The following ELAC2 variants were observed in gnomAD, a reference collection of about 807,000 sequenced individuals.
The protein encoded by ELAC2 is elaC ribonuclease Z 2, also known as zinc phosphodiesterase ELAC protein 2.
ELAC2 carries 92 observed loss-of-function variants against 105.2 expected under a neutral mutation model. That is an observed-to-expected ratio of 0.87 (90% CI 0.74 to 1.04). ELAC2 has a LOEUF of 1.04. Ranked by LOEUF, ELAC2 falls within the 50% of genes least tolerant of loss-of-function variation. The probability of loss-of-function intolerance (pLI) is 0.00; values close to 1 mark genes in which losing one functional copy is unlikely to be tolerated. For synonymous variants in ELAC2, 468 were observed against 409.1 expected, an observed-to-expected ratio of 1.14 and a Z score of -1.74; for missense variants, 1,099 against 1,071.7, an observed-to-expected ratio of 1.03 and a Z score of -0.36.
In ELAC2 at chr17:12,994,782, C is replaced by T. The variant is rs754567726; in HGVS notation, c.2011G>A (p.Glu671Lys). 1.5e-5 allele frequency: 24 copies of T among 1,613,848 alleles called. No homozygotes were observed. The highest frequency in any genetic ancestry group is 8.9e-5 in the East Asian group (4 of 44,882). The stretch of plus-strand genomic sequence containing the variant: ...TACTCACCCATCCGGACCAGAGCCT[C>T]GCAGGGCATGGTGTCCCCGGAATAG... ...VVYSGDTMPCEALVRMGKDAT... is the reference protein window; with the variant it reads ...VVYSGDTMPCKALVRMGKDAT... Residue 671 changes from glutamate to lysine, a missense_variant, in exon 21 of 24, where the codon GAG becomes AAG. By Grantham distance (56) the Glu-to-Lys change is moderately conservative (BLOSUM62 1). Coordinates refer to ENST00000338034, the MANE Select transcript of ELAC2 (RefSeq NM_018127.7).
In ELAC2 at chr17:13,002,450, G is replaced by GA; in HGVS notation, c.1208dup (p.Arg404ProfsTer3). ...CGGTCTGAGACACTACCTTACAGCG[G>GA]AAACTGGTGAGCAGGGGGAAGATGT... On this transcript the variant is annotated frameshift_variant, in exon 13 of 24. Transcript: ENST00000338034. LOFTEE classifies it high-confidence loss of function. 1 of 1,612,704 alleles carries GA rather than the reference G, an allele frequency of 6.2e-7. No individual in the cohort carries two copies. Among genetic ancestry groups the GA allele is most frequent in the Non-Finnish European group, 8.5e-7 (1 of 1,179,316 alleles).
chr17:13,007,556 G>A (rs1419609190), intron 8 of ELAC2, among the ~76,000 whole-genome samples: 3 of 152,194 alleles, frequency 2.0e-5, no homozygotes, highest in Non-Finnish European at 4.4e-5. Flanking sequence ...CGGGTTTGAG[G>A]ATGGCAACTA....
intron 22 of ELAC2, 90 bp downstream of exon 22, chr17:12,994,335 A>C (rs1270380553): frequency 3.5e-6 from 5 of 1,432,200 alleles, no homozygotes; most frequent in African/African-American, 2.8e-5. Flanking sequence ...GGGCAGCCCC[A>C]CATCAGTGGA....
At chr17:13,008,301 A>G (rs112004153) in intron 8 of ELAC2, among the ~76,000 whole-genome samples, 3,692 of 151,864 alleles carry the variant, frequency 0.024, 77 homozygotes, top group Middle Eastern at 0.058. Flanking sequence ...CAGGAAATCA[A>G]GAGATCCAGA....
At position 13,011,517 on chromosome 17, in the gene ELAC2, A is replaced by C. The variant is rs73981622; in HGVS notation, c.679+146T>G. The C allele has an allele frequency of 0.28, 389,553 of 1,370,572 alleles. 57,578 individuals carry two copies. The highest frequency in any genetic ancestry group is 0.34 in the Middle Eastern group (1,753 of 5,114). 84.9% of individuals were successfully genotyped at this position (1,370,572 alleles called of 1,614,324 possible). On this transcript the variant is annotated intron_variant, in intron 7 of 23. Coordinates refer to ENST00000338034, the MANE Select transcript of ELAC2 (RefSeq NM_018127.7). ...TTACAACAACCCTTCTCATTCCCCC[A>C]ACGGGCCAAGTTATAGTAAGCCCAG...
Position 13,009,366 on chromosome 17 carries a change from A to G in ELAC2, c.738+1247T>C, listed in dbSNP as rs74553193. Among the ~76,000 whole-genome samples, 1,369 of 152,328 alleles carry G rather than the reference A, an allele frequency of 9.0e-3. 22 individuals carry two copies. The highest frequency in any genetic ancestry group is 0.032 in the African/African-American group (1,314 of 41,566). ...AAAAGGCAATGAAATCTTTTCACAT[A>G]TTTAGACAAATTTGTTGCAAATTGT... On this transcript the variant is annotated intron_variant, in intron 8 of 23. Coordinates refer to ENST00000338034, the MANE Select transcript of ELAC2 (RefSeq NM_018127.7).
intron 17 of ELAC2, 54 bp from the exon 18 acceptor site, chr17:12,996,032 G>C (rs1018935678): frequency 9.1e-5 from 141 of 1,552,550 alleles, no homozygotes; most frequent in South Asian, 2.4e-4. Context: ...CATCCCCTCC[G>C]GGTTAGGGTC....
In ELAC2 at chr17:13,006,026, G is replaced by A. The variant is rs562735800; in HGVS notation, c.739-47C>T. On this transcript the variant is annotated intron_variant, in intron 8 of 23. Transcript: ENST00000338034. ...TGTGATCTTAGGGGCTAATGAAGAA[G>A]GTTGGTTTTAATCAATTTTCTTAGA... 1.6e-5 allele frequency: 25 copies of A among 1,575,748 alleles called. No individual in the cohort carries two copies. In the African/African-American group the frequency reaches 2.8e-4, roughly 18 times the overall value.
intron 8 of ELAC2, 138 bp from the exon 9 acceptor site, chr17:13,006,117 T>C (rs2041094499): frequency 2.3e-6 from 2 of 871,932 alleles, no homozygotes; most frequent in African/African-American, 3.3e-5. Flanking sequence ...ACGCCTGTAA[T>C]TCCAGTACTT....
In ELAC2 at chr17:13,005,760, C is replaced by T. The variant is rs2143625981; in HGVS notation, c.863G>A (p.Gly288Glu). 1 of 1,614,188 alleles carries T rather than the reference C, an allele frequency of 6.2e-7. No homozygotes were observed. The highest frequency in any genetic ancestry group is 1.1e-5 in the South Asian group (1 of 91,088). The change falls in exon 10 of 24, where the codon GGA becomes GAA. Residue 288 changes from glycine to glutamate, a missense_variant. Transcript: ENST00000338034. ...VKDGKSITHE[G>E]REILAEELCT... is the part of the protein sequence containing the mutation. ...GAAAACCAGGCATCTCACCTCTCTT[C>T]CTTCATGAGTGATGCTTTTCCCGTC...
intron 16 of ELAC2, among the ~76,000 whole-genome samples, chr17:12,998,002 G>A (rs1193615868): frequency 6.6e-6 from 1 of 152,108 alleles, no homozygotes; most frequent in African/African-American, 2.4e-5. Flanking sequence ...AAGACCCCAA[G>A]TCCCCGCTCA....
At chr17:13,008,028 C>T (rs1024369288) in intron 8 of ELAC2, among the ~76,000 whole-genome samples, 3 of 152,042 alleles carry the variant, frequency 2.0e-5, no homozygotes, top group Non-Finnish European at 2.9e-5. Context: ...TGGCGAAACC[C>T]TGTGTCTACT....
In ELAC2 at chr17:13,016,810, A is replaced by G. The variant is rs1357000706; in HGVS notation, c.367+52T>C. ...ACTTGGAAAAATGGTAAAGCCGGTT[A>G]AAATCCCAGAGACTTCCCACCAGCC... is the stretch of plus-strand genomic sequence containing the variant. On this transcript the variant is annotated intron_variant, in intron 3 of 23. Transcript: ENST00000338034. 12 of 1,579,952 alleles carry G rather than the reference A, an allele frequency of 7.6e-6. No homozygotes were observed. The East Asian group carries it at 1.3e-4, about 18-fold the overall frequency.
intron 4 of ELAC2, among the ~76,000 whole-genome samples, chr17:13,015,369 A>G (rs1485143214): frequency 6.6e-6 from 1 of 152,230 alleles, no homozygotes; most frequent in Non-Finnish European, 1.5e-5. Flanking sequence ...CGCCTTCTCA[A>G]GAGTGTAATA....
chr17:13,017,438 G>A (rs1005997389), intron 1 of ELAC2: 20 of 677,254 alleles, frequency 3.0e-5, no homozygotes, highest in Non-Finnish European at 4.9e-6. Context: ...AGAGGGTGGA[G>A]CTCCGAAAGT....
chr17:13,002,399 G>A (rs777289699), intron 13 of ELAC2, 40 bp from the exon 14 acceptor site: 57 of 1,614,030 alleles, frequency 3.5e-5, no homozygotes, highest in Non-Finnish European at 4.7e-5. Flanking sequence ...GAAAGAGAGG[G>A]GACGAGAGCT....
At chr17:12,997,030 C>A (rs1384377984) in intron 16 of ELAC2, among the ~76,000 whole-genome samples, 1 of 152,092 alleles carries the variant, frequency 6.6e-6, no homozygotes, top group African/African-American at 2.4e-5. Context: ...TGGCCACAGC[C>A]TCTGTTGAAA....
intron 8 of ELAC2, among the ~76,000 whole-genome samples, chr17:13,007,980 C>T (rs887655204): frequency 1.3e-5 from 2 of 151,902 alleles, no homozygotes; most frequent in African/African-American, 4.8e-5. Context: ...GAAGGCAGAT[C>T]ACTTGAGGTC....
intron 14 of ELAC2, 106 bp from the exon 15 acceptor site, chr17:13,000,380 G>T: frequency 9.4e-7 from 1 of 1,066,368 alleles, no homozygotes. Flanking sequence ...TCTGCAGGAA[G>T]TTCCTTCAGA....
Sources: gnomAD v4.1 joint callset for allele counts (sites outside exome capture counted in the v4.1 genomes callset) on GRCh38, gnomAD v4.1.1 for gene constraint, MANE v1.5 for transcripts, NCBI Gene and HGNC (gene_info 2026-07-23, HGNC 2026-07-21) for gene names.